Variants in NREP observed in about 807,000 individuals in gnomAD.
NREP encodes the protein neuronal regeneration related protein, also known as neuronal regeneration-related protein.
NREP carries 5 observed loss-of-function variants against 8.6 expected under a neutral mutation model. The observed-to-expected ratio is 0.58, with a 90% confidence interval of 0.30 to 1.22. The LOEUF (loss-of-function observed/expected upper bound fraction) is 1.22. Among genes scored for constraint, NREP ranks in the 50% most tolerant of loss-of-function variants. The probability of loss-of-function intolerance (pLI) is 0.07; values close to 1 mark genes in which losing one functional copy is unlikely to be tolerated. For missense variants in NREP, 86 were observed against 82.5 expected, an observed-to-expected ratio of 1.04 and a Z score of -0.17; for synonymous variants, 27 against 28.0, an observed-to-expected ratio of 0.96 and a Z score of 0.11.
chr5:111,796,146 A>T (rs1751868111), intron 2 of NREP, among the ~76,000 whole-genome samples: 1 of 152,180 alleles, frequency 6.6e-6, no homozygotes, highest in African/African-American at 2.4e-5. Flanking sequence ...CTAAAAGTCA[A>T]CTGCATTACT....
At chr5:111,765,010 T>C (rs1286104481) in intron 2 of NREP, among the ~76,000 whole-genome samples, 1 of 152,162 alleles carries the variant, frequency 6.6e-6, no homozygotes, top group Admixed American at 6.5e-5. Context: ...GGCCGTTACA[T>C]AGGATCACAG....
At chr5:111,764,569 C>T (rs985919589) in intron 2 of NREP, among the ~76,000 whole-genome samples, 5 of 152,062 alleles carry the variant, frequency 3.3e-5, no homozygotes, top group African/African-American at 1.2e-4. Flanking sequence ...AAATACTTGC[C>T]CCCATGATTA....
chr5:111,949,585 C>A (rs898101582), intron 2 of NREP, among the ~76,000 whole-genome samples: 6 of 152,016 alleles, frequency 3.9e-5, no homozygotes, highest in African/African-American at 1.4e-4. Context: ...ACCCATCAAC[C>A]TGTCATCTAG....
intron 2 of NREP, among the ~76,000 whole-genome samples, chr5:111,877,335 A>G (rs1160869875): frequency 6.6e-6 from 1 of 152,146 alleles, no homozygotes; most frequent in African/African-American, 2.4e-5. Flanking sequence ...ATAATTCTAA[A>G]CCAATATCAT....
At chr5:111,805,902 A>G (rs1196940622) in intron 2 of NREP, among the ~76,000 whole-genome samples, 1 of 59,034 alleles carries the variant, frequency 1.7e-5, no homozygotes, top group Non-Finnish European at 3.7e-5. Context: ...ATGCTTGAAA[A>G]TTGTTGAGAG....
intron 2 of NREP, among the ~76,000 whole-genome samples, chr5:111,794,140 C>T (rs1402787014): frequency 6.6e-6 from 1 of 152,304 alleles, no homozygotes; most frequent in South Asian, 2.1e-4. Flanking sequence ...ACATCTGTTA[C>T]AATGCCAAAA....
intron 2 of NREP, among the ~76,000 whole-genome samples, chr5:111,748,582 T>A (rs571381319): frequency 6.6e-6 from 1 of 152,290 alleles, no homozygotes; most frequent in African/African-American, 2.4e-5. Flanking sequence ...TATTCCAAGG[T>A]CTCATTAGGA....
At chr5:111,757,040 G>C (rs186816959) in intron 1 of NREP, 96 bp downstream of exon 1, 2 of 178,584 alleles carry the variant, frequency 1.1e-5, no homozygotes, top group Non-Finnish European at 2.2e-5. Flanking sequence ...CATGAACTCT[G>C]CAGGGTTGAA....
At chr5:111,907,942 T>C (rs982115086) in intron 2 of NREP, among the ~76,000 whole-genome samples, 1 of 152,024 alleles carries the variant, frequency 6.6e-6, no homozygotes, top group Non-Finnish European at 1.5e-5. Flanking sequence ...CATTTAAACA[T>C]TGGTTGAGAA....
At chr5:111,741,448 TGTTA>T (rs1749654437) in intron 2 of NREP, among the ~76,000 whole-genome samples, 2 of 152,254 alleles carry the variant, frequency 1.3e-5, no homozygotes, top group African/African-American at 4.8e-5. Flanking sequence ...TGTTCCCAGG[TGTTA>T]CTGGTCATAT....
chr5:111,883,740 A>AT, intron 2 of NREP, among the ~76,000 whole-genome samples: 1 of 152,358 alleles, frequency 6.6e-6, no homozygotes, highest in East Asian at 1.9e-4. Context: ...ACATAAAAAA[A>AT]TGAAAGCAGA....
upstream of NREP, among the ~76,000 whole-genome samples, chr5:111,759,575 T>C (rs1018428022): frequency 1.3e-5 from 2 of 151,852 alleles, no homozygotes; most frequent in Non-Finnish European, 2.9e-5. Context: ...ATTGTAATGA[T>C]AGACATTCAG....
intron 2 of NREP, among the ~76,000 whole-genome samples, chr5:111,876,003 T>G (rs551745727): frequency 3.2e-4 from 49 of 152,272 alleles, no homozygotes; most frequent in African/African-American, 1.1e-3. Context: ...AATAACTGGT[T>G]AGGGCCAGTT....
chr5:111,795,182 C>T (rs986357729), intron 2 of NREP, among the ~76,000 whole-genome samples: 1 of 152,068 alleles, frequency 6.6e-6, no homozygotes, highest in South Asian at 2.1e-4. Flanking sequence ...CTGCTTCATA[C>T]AAATAAATGG....
intron 2 of NREP, among the ~76,000 whole-genome samples, chr5:111,817,710 C>A (rs1752416256): frequency 6.9e-6 from 1 of 144,596 alleles, no homozygotes; most frequent in African/African-American, 2.6e-5. Flanking sequence ...GAGGCTGAGG[C>A]AGGAGAATGG....
intron 2 of NREP, among the ~76,000 whole-genome samples, chr5:111,959,391 T>C (rs916853670): frequency 6.6e-6 from 1 of 151,960 alleles, no homozygotes; most frequent in Non-Finnish European, 1.5e-5. Context: ...ATCTGGGTGA[T>C]TACACTTTCT....
At chr5:111,961,527 A>T (rs1194217952) in intron 2 of NREP, among the ~76,000 whole-genome samples, 2 of 152,130 alleles carry the variant, frequency 1.3e-5, no homozygotes, top group African/African-American at 4.8e-5. Context: ...TTCTAGTTTC[A>T]TTTAAGACTG....
At chr5:111,752,352 A>G (rs866904247) in intron 2 of NREP, among the ~76,000 whole-genome samples, 11 of 152,262 alleles carry the variant, frequency 7.2e-5, no homozygotes, top group Middle Eastern at 6.8e-3. Flanking sequence ...ACGATTCCCA[A>G]TTCTCTCCCT....
At chr5:111,976,587 C>T (rs142475964) in intron 1 of NREP, 1 of 725,956 alleles carries the variant, frequency 1.4e-6, no homozygotes, top group Non-Finnish European at 2.3e-6. Flanking sequence ...AAACATCCTT[C>T]AAGCAAAATG....
Sources: gnomAD v4.1 joint callset for allele counts (sites outside exome capture counted in the v4.1 genomes callset) on GRCh38, gnomAD v4.1.1 for gene constraint, MANE v1.5 for transcripts, NCBI Gene and HGNC (gene_info 2026-07-23, HGNC 2026-07-21) for gene names.